CFAP47: variants seen among roughly 807,000 people sequenced by gnomAD.
CFAP47 encodes cilia- and flagella-associated protein 47.
Under a neutral mutation model 148.1 loss-of-function variants are expected in CFAP47, and 29 were observed. That is an observed-to-expected ratio of 0.20 (90% confidence interval 0.15 to 0.27). CFAP47 has a LOEUF of 0.27. Among genes scored for constraint, CFAP47 ranks in the 10% least tolerant of loss-of-function variants. The pLI is 1.00. For synonymous variants in CFAP47, 664 were observed against 577.3 expected, an observed-to-expected ratio of 1.15 and a Z score of -2.15; for missense variants, 1,872 against 1,697.5, an observed-to-expected ratio of 1.10 and a Z score of -1.81.
chrX:36,145,799 TG>T (rs1939224811), intron 36 of CFAP47, among the ~76,000 whole-genome samples: 1 of 110,483 alleles, frequency 9.1e-6, no homozygotes, highest in Non-Finnish European at 1.9e-5. Flanking sequence ...GATCTGTAAT[TG>T]TAACTTCTTT....
At chrX:35,957,924 T>C (rs193172401) in intron 8 of CFAP47, among the ~76,000 whole-genome samples, 2 of 111,845 alleles carry the variant, frequency 1.8e-5, no homozygotes, top group African/African-American at 6.5e-5. Context: ...ATTCACACAT[T>C]GAAGTATACA....
At chrX:36,130,820 A>T (rs1028189218) in intron 33 of CFAP47, among the ~76,000 whole-genome samples, 3 of 111,527 alleles carry the variant, frequency 2.7e-5, no homozygotes, top group African/African-American at 6.5e-5. Flanking sequence ...GAAATAAGCC[A>T]TGCACAGATA....
intron 53 of CFAP47, among the ~76,000 whole-genome samples, chrX:36,302,020 T>C (rs782783849): frequency 9.2e-6 from 1 of 109,038 alleles, no homozygotes; most frequent in South Asian, 4.0e-4. Context: ...ACAATGACAT[T>C]TGAAATTTTT....
chrX:36,340,386 G>A (rs1466113476), intron 57 of CFAP47, among the ~76,000 whole-genome samples: 1 of 111,953 alleles, frequency 8.9e-6, no homozygotes, highest in African/African-American at 3.2e-5. Flanking sequence ...TGCTAGGGCT[G>A]CCATAACAAA....
intron 48 of CFAP47, among the ~76,000 whole-genome samples, chrX:36,241,587 C>T: frequency 8.9e-6 from 1 of 111,974 alleles, no homozygotes; most frequent in African/African-American, 3.2e-5. Flanking sequence ...TCCCTGAGAG[C>T]AGCTGGAGCC....
At chrX:36,384,140 A>G (rs1942105026) in intron 63 of CFAP47, among the ~76,000 whole-genome samples, 3 of 110,494 alleles carry the variant, frequency 2.7e-5, no homozygotes, top group African/African-American at 9.9e-5. Context: ...CAGGATTTTG[A>G]GACCAGCCTG....
In CFAP47 at chrX:36,186,547, T is replaced by C. The variant is rs139356780; in HGVS notation, c.6105-2073T>C. Among the ~76,000 whole-genome samples, 223 of 111,694 alleles carry C rather than the reference T, an allele frequency of 2.0e-3. 1 individual carries two copies. The highest frequency in any genetic ancestry group is 6.8e-3 in the African/African-American group (208 of 30,791). The stretch of plus-strand genomic sequence containing the variant: ...ATCAAAACTAGACTTGAACCAGACA[T>C]TTTGCTATTTGGTTGAGATACAGCC... On this transcript the variant is annotated intron_variant, in intron 40 of 63. Transcript: ENST00000378653.
At chrX:36,041,670 T>C (rs1025294658) in intron 25 of CFAP47, among the ~76,000 whole-genome samples, 1 of 111,258 alleles carries the variant, frequency 9.0e-6, no homozygotes, top group African/African-American at 3.3e-5. Context: ...TTAAAGAATC[T>C]ACCAGCACTT....
chrX:36,037,447 T>G (rs1236622905), intron 24 of CFAP47, among the ~76,000 whole-genome samples: 1 of 109,968 alleles, frequency 9.1e-6, no homozygotes, highest in Non-Finnish European at 1.9e-5. Flanking sequence ...ACTGCAACAT[T>G]TACTTCCCAG....
intron 29 of CFAP47, among the ~76,000 whole-genome samples, chrX:36,077,585 A>G (rs1937889533): frequency 9.0e-6 from 1 of 110,637 alleles, no homozygotes; most frequent in South Asian, 3.9e-4. Flanking sequence ...TTATTGGTGT[A>G]TAGAAATACT....
chrX:35,979,337 G>GT (rs1425988519), intron 15 of CFAP47, among the ~76,000 whole-genome samples: 1 of 109,691 alleles, frequency 9.1e-6, no homozygotes, highest in Admixed American at 9.9e-5. Flanking sequence ...TTTTCTGTGG[G>GT]TATTTTTCAT....
At chrX:36,305,780 T>C (rs1474191449) in intron 54 of CFAP47, among the ~76,000 whole-genome samples, 5 of 111,878 alleles carry the variant, frequency 4.5e-5, no homozygotes, top group Non-Finnish European at 9.4e-5. Flanking sequence ...TTGCTAAGTC[T>C]GACAGTGAAA....
intron 22 of CFAP47, among the ~76,000 whole-genome samples, chrX:36,018,427 T>G (rs1434758339): frequency 8.9e-6 from 1 of 112,194 alleles, no homozygotes; most frequent in Non-Finnish European, 1.9e-5. Flanking sequence ...AGTATCCTTG[T>G]CATGTTTCAT....
At chrX:36,144,451 C>T in intron 35 of CFAP47, 1 of 798,971 alleles carries the variant, frequency 1.3e-6, no homozygotes, top group Non-Finnish European at 1.6e-6. Flanking sequence ...ATTTACTATG[C>T]TTTTCCTCTT....
At chrX:36,371,513 A>G (rs868969495) in intron 62 of CFAP47, among the ~76,000 whole-genome samples, 1 of 103,295 alleles carries the variant, frequency 9.7e-6, no homozygotes, top group Non-Finnish European at 2.0e-5. Context: ...ATATATGTGT[A>G]TATATATGTG....
intron 36 of CFAP47, among the ~76,000 whole-genome samples, chrX:36,148,175 G>A (rs1939260835): frequency 1.8e-5 from 2 of 111,475 alleles, no homozygotes; most frequent in Admixed American, 1.9e-4. Context: ...TGACTAAGAG[G>A]AAACATATGG....
chrX:36,133,185 A>T (rs1938980625), intron 33 of CFAP47, among the ~76,000 whole-genome samples: 1 of 111,271 alleles, frequency 9.0e-6, no homozygotes, highest in Admixed American at 9.6e-5. Flanking sequence ...ATCTTCTTGC[A>T]GGTGTTTACT....
intron 8 of CFAP47, among the ~76,000 whole-genome samples, chrX:35,957,136 G>A (rs998039613): frequency 7.6e-5 from 8 of 105,616 alleles, no homozygotes; most frequent in Non-Finnish European, 1.4e-4. Flanking sequence ...TTGAACCCAG[G>A]AGGCAGAGGT....
intron 49 of CFAP47, among the ~76,000 whole-genome samples, chrX:36,270,595 A>G (rs1417830197): frequency 3.9e-5 from 4 of 102,984 alleles, no homozygotes; most frequent in African/African-American, 1.4e-4. Context: ...TTGATAAAGG[A>G]TTTGTGTCTA....
Sources: gnomAD v4.1 joint callset for allele counts (sites outside exome capture counted in the v4.1 genomes callset) on GRCh38, gnomAD v4.1.1 for gene constraint, MANE v1.5 for transcripts, NCBI Gene and HGNC (gene_info 2026-07-23, HGNC 2026-07-21) for gene names.